KCNB2: variants seen among roughly 807,000 people sequenced by gnomAD.
The protein encoded by KCNB2 is delayed rectifier potassium channel protein.
A neutral mutation model predicts 61.5 loss-of-function variants in KCNB2; 15 were observed. That is an observed-to-expected ratio of 0.24 (90% CI 0.16 to 0.38). The LOEUF (loss-of-function observed/expected upper bound fraction) is 0.38. Among genes scored for constraint, KCNB2 ranks in the 10% least tolerant of loss-of-function variants. The pLI, the probability that KCNB2 is intolerant of heterozygous loss-of-function variation, is 1.00. For missense variants in KCNB2, 828 were observed against 1,125.2 expected, an observed-to-expected ratio of 0.74 and a Z score of 3.78; for synonymous variants, 457 against 446.0, an observed-to-expected ratio of 1.02 and a Z score of -0.31.
rs1253597356 is a variant in KCNB2 at position 72,937,183 on chromosome 8, G to C, written c.1828G>C (p.Ala610Pro). 1.2e-6 allele frequency: 2 copies of C among 1,614,088 alleles called. No homozygotes were observed. Among genetic ancestry groups the C allele is most frequent in the African/African-American group, 1.3e-5 (1 of 75,052 alleles). The change falls in exon 3 of 3, where the codon GCC (alanine) becomes CCC (proline). Residue 610 changes from alanine (A) to proline (P), a missense_variant. Coordinates refer to ENST00000523207, the MANE Select transcript of KCNB2 (RefSeq NM_004770.3). ...CAGCATCGACAGCTTCACCAGCTGT[G>C]CCACCGACTTCACAGAGACAGAGAG... ...TSSIDSFTSC[A>P]TDFTETERSP...
chr8:72,752,719 A>G (rs1808213464), intron 2 of KCNB2, among the ~76,000 whole-genome samples: 1 of 152,206 alleles, frequency 6.6e-6, no homozygotes, highest in Admixed American at 6.5e-5. Flanking sequence ...TTATATGCAT[A>G]TATCGATATA....
In KCNB2 at chr8:72,590,716, G is replaced by A. The variant is rs184158103; in HGVS notation, c.579+22403G>A. On this transcript the variant is annotated intron_variant, in intron 2 of 2. Coordinates refer to ENST00000523207, the MANE Select transcript of KCNB2 (RefSeq NM_004770.3). The stretch of plus-strand genomic sequence containing the variant: ...AATGCTTAATGAAAGTGAACCATAG[G>A]CTATGAACACAAGATGAATGCATTC... 3.0e-3 allele frequency among the ~76,000 whole-genome samples: 460 copies of A among 152,198 alleles called. 3 individuals are homozygous for A. The highest frequency in any genetic ancestry group is 0.01 in the African/African-American group (432 of 41,550).
At chr8:72,627,101 A>G (rs1278640809) in intron 2 of KCNB2, among the ~76,000 whole-genome samples, 1 of 152,232 alleles carries the variant, frequency 6.6e-6, no homozygotes. Context: ...GCTCATGCCA[A>G]ATTTCTTTAC....
At chr8:72,857,739 A>T (rs995880741) in intron 2 of KCNB2, among the ~76,000 whole-genome samples, 3 of 152,214 alleles carry the variant, frequency 2.0e-5, no homozygotes, top group African/African-American at 7.2e-5. Flanking sequence ...TGAACCAATG[A>T]TCATGATGCA....
intron 2 of KCNB2, among the ~76,000 whole-genome samples, chr8:72,844,039 C>G (rs933276870): frequency 2.0e-5 from 3 of 152,184 alleles, no homozygotes; most frequent in African/African-American, 7.2e-5. Context: ...TGTTGATGGT[C>G]TTTACAATTT....
intron 2 of KCNB2, among the ~76,000 whole-genome samples, chr8:72,818,242 A>G (rs1052659338): frequency 1.3e-5 from 2 of 152,214 alleles, no homozygotes; most frequent in African/African-American, 4.8e-5. Flanking sequence ...AAAATATTAT[A>G]TAACTTATTT....
Position 72,567,819 on chromosome 8 carries a change from C to A in KCNB2, c.85C>A (p.Arg29=), listed in dbSNP as rs547685470. Residue 29 remains arginine (R), a synonymous_variant, in exon 2 of 3, where the codon CGG becomes AGG. Coordinates refer to ENST00000523207, the MANE Select transcript of KCNB2 (RefSeq NM_004770.3). ...TCCTCCAGAGCCTGTGGACATTATCCGGAGCAAAACATGCTCCAGGAGAGT... is the reference window on the plus strand; with the variant it reads ...TCCTCCAGAGCCTGTGGACATTATCAGGAGCAAAACATGCTCCAGGAGAGT... ...SLPPEPVDII[R]SKTCSRRVKI... 18 of 1,613,600 alleles carry A rather than the reference C, an allele frequency of 1.1e-5. No homozygotes were observed. In the Admixed American group the frequency reaches 2.7e-4, roughly 24 times the overall value.
intron 2 of KCNB2, among the ~76,000 whole-genome samples, chr8:72,637,988 C>T (rs1470100350): frequency 6.6e-6 from 1 of 152,144 alleles, no homozygotes; most frequent in Non-Finnish European, 1.5e-5. Flanking sequence ...AACTCTGAGA[C>T]TGTGGCCAGC....
At chr8:72,716,157 G>A in intron 2 of KCNB2, among the ~76,000 whole-genome samples, 1 of 152,140 alleles carries the variant, frequency 6.6e-6, no homozygotes, top group East Asian at 1.9e-4. Context: ...CTCTGAAATT[G>A]AGGCAATAAT....
chr8:72,570,215 AC>A (rs1382722767), intron 2 of KCNB2, among the ~76,000 whole-genome samples: 3 of 152,146 alleles, frequency 2.0e-5, no homozygotes, highest in African/African-American at 7.2e-5. Flanking sequence ...GTATGTATAG[AC>A]AAGAAATCTG....
At chr8:72,640,384 AT>A (rs202033429) in intron 2 of KCNB2, among the ~76,000 whole-genome samples, 3 of 151,276 alleles carry the variant, frequency 2.0e-5, no homozygotes, top group African/African-American at 4.9e-5. Flanking sequence ...TTTTGCTGGT[AT>A]TTTTTTTTCT....
At chr8:72,728,199 A>G (rs1183952196) in intron 2 of KCNB2, among the ~76,000 whole-genome samples, 1 of 152,178 alleles carries the variant, frequency 6.6e-6, no homozygotes, top group East Asian at 1.9e-4. Flanking sequence ...ATTTCTGCTC[A>G]GTTTTTAACT....
At chr8:72,548,732 G>A (rs1216094397) in intron 1 of KCNB2, among the ~76,000 whole-genome samples, 1 of 151,908 alleles carries the variant, frequency 6.6e-6, no homozygotes, top group Non-Finnish European at 1.5e-5. Flanking sequence ...ATTTTCATAA[G>A]TTACTTACGT....
At chr8:72,604,844 C>G (rs899771077) in intron 2 of KCNB2, among the ~76,000 whole-genome samples, 2 of 152,250 alleles carry the variant, frequency 1.3e-5, no homozygotes, top group Non-Finnish European at 2.9e-5. Context: ...AAAAATGTAT[C>G]TTGCATTATT....
intron 1 of KCNB2, among the ~76,000 whole-genome samples, chr8:72,559,914 A>T (rs1806487288): frequency 6.6e-6 from 1 of 152,208 alleles, no homozygotes; most frequent in Non-Finnish European, 1.5e-5. Flanking sequence ...CAGACAAGTC[A>T]TGCGACCTCA....
chr8:72,704,123 A>G (rs1306504014), intron 2 of KCNB2, among the ~76,000 whole-genome samples: 3 of 152,186 alleles, frequency 2.0e-5, no homozygotes, highest in Non-Finnish European at 2.9e-5. Context: ...CTTTGCTGCT[A>G]GAGTTAATTG....
intron 2 of KCNB2, among the ~76,000 whole-genome samples, chr8:72,641,407 G>GTGTT (rs1806053383): frequency 6.6e-6 from 1 of 151,998 alleles, no homozygotes; most frequent in South Asian, 2.1e-4. Context: ...TATGTACTGT[G>GTGTT]TGTTTCTATG....
chr8:72,838,729 A>T (rs773869344), intron 2 of KCNB2, among the ~76,000 whole-genome samples: 4 of 152,194 alleles, frequency 2.6e-5, no homozygotes, highest in Admixed American at 1.3e-4. Context: ...ATACAGGTCT[A>T]TGTGTGCAAT....
At chr8:72,933,704 G>T (rs1347151405) in intron 2 of KCNB2, among the ~76,000 whole-genome samples, 1 of 152,200 alleles carries the variant, frequency 6.6e-6, no homozygotes, top group Non-Finnish European at 1.5e-5. Flanking sequence ...GCTTCTGATG[G>T]TAGGGATTCA....
Sources: allele counts gnomAD v4.1 joint callset (sites outside exome capture counted in the v4.1 genomes callset), GRCh38; gene constraint gnomAD v4.1.1; transcripts MANE v1.5; gene names NCBI Gene and HGNC (gene_info 2026-07-23, HGNC 2026-07-21).